NCOA6: variants seen among roughly 807,000 people sequenced by gnomAD.
The protein encoded by NCOA6 is nuclear receptor coactivator 6.
In NCOA6, 49 loss-of-function variants were observed where a neutral mutation model predicts 171.4. That is an observed-to-expected ratio of 0.29 (90% confidence interval 0.23 to 0.36). NCOA6 has a LOEUF of 0.36. Ranked by LOEUF, NCOA6 falls within the 10% of genes least tolerant of loss-of-function variation. NCOA6 has a pLI of 1.00. For synonymous variants in NCOA6, 910 were observed against 927.5 expected, an observed-to-expected ratio of 0.98 and a Z score of 0.34; for missense variants, 2,248 against 2,554.5, an observed-to-expected ratio of 0.88 and a Z score of 2.59.
rs779896604 is a variant in NCOA6 at position 34,746,930 on chromosome 20, T to TTA, written c.2793-3_2793-2insTA. The TTA allele has an allele frequency of 8.8e-6, 10 of 1,138,816 alleles. No individual in the cohort carries two copies. Among genetic ancestry groups the TTA allele is most frequent in the South Asian group, 5.4e-5 (2 of 37,044 alleles). The allele number at this position is 1,138,816 out of a possible 1,614,324, so 70.5% of individuals were successfully genotyped here. A position where few individuals can be genotyped will look rare whatever the true frequency, so the allele number is the denominator to read the frequency against. ...CCAGCTGGGCGAGTATCTGGGGTGC[T>TTA]AAAAAAAAAAAAAAAAAAAAAAGTG... On this transcript the variant is annotated splice_polypyrimidine_tract_variant and splice_region_variant and intron_variant, in intron 9 of 14. Coordinates refer to ENST00000359003, the MANE Select transcript of NCOA6 (RefSeq NM_014071.5).
intron 9 of NCOA6, among the ~76,000 whole-genome samples, chr20:34,748,427 A>G (rs1339531353): frequency 2.0e-5 from 3 of 152,208 alleles, no homozygotes; most frequent in Non-Finnish European, 4.4e-5. Flanking sequence ...TAGTTGGTTT[A>G]ATTTTGAATA....
intron 1 of NCOA6, among the ~76,000 whole-genome samples, chr20:34,794,082 G>A (rs985398805): frequency 1.3e-5 from 2 of 152,118 alleles, no homozygotes; most frequent in African/African-American, 4.8e-5. Flanking sequence ...CATTGCTGGC[G>A]GTAGTGCAAA....
At chr20:34,817,664 A>T (rs550658139) in intron 1 of NCOA6, among the ~76,000 whole-genome samples, 35 of 152,340 alleles carry the variant, frequency 2.3e-4, no homozygotes, top group Admixed American at 1.6e-3. Context: ...TTAAAAAAAT[A>T]AATGAATATA....
Position 34,720,435 on chromosome 20 carries a change from G to T in NCOA6, c.6149-5070C>A, listed in dbSNP as rs1032678269. Among the ~76,000 whole-genome samples the T allele has an allele frequency of 3.9e-5, 6 of 152,210 alleles. No individual in the cohort carries two copies. In the East Asian group the frequency reaches 1.2e-3, roughly 29 times the overall value. ...TGCCCAGAAATCATCCATCCCACCT[G>T]CTCTGATCTGGCAGTCTGGCAGGCC... On this transcript the variant is annotated intron_variant, in intron 14 of 14. Transcript: ENST00000359003.
intron 11 of NCOA6, among the ~76,000 whole-genome samples, chr20:34,739,182 T>C (rs1438168098): frequency 6.6e-6 from 1 of 152,210 alleles, no homozygotes; most frequent in African/African-American, 2.4e-5. Context: ...ACAAATGGAA[T>C]GTACCAATCA....
chr20:34,789,994 G>A (rs573411905), intron 2 of NCOA6, among the ~76,000 whole-genome samples: 5 of 151,560 alleles, frequency 3.3e-5, no homozygotes, highest in African/African-American at 4.8e-5. Flanking sequence ...CAGTACTTTC[G>A]GAGGCCAAGG....
At chr20:34,728,975 G>C (rs566115090) in intron 13 of NCOA6, among the ~76,000 whole-genome samples, 1 of 152,092 alleles carries the variant, frequency 6.6e-6, no homozygotes. Flanking sequence ...TTTTGAGATG[G>C]AGTCTTGCTC....
chr20:34,722,359 C>T (rs775226358), intron 14 of NCOA6, among the ~76,000 whole-genome samples: 2 of 150,700 alleles, frequency 1.3e-5, no homozygotes, highest in Admixed American at 6.6e-5. Context: ...CCAGCCTGGG[C>T]GATGGAGTGA....
chr20:34,740,683 T>C lies in NCOA6; in HGVS notation c.5573A>G (p.Asp1858Gly), dbSNP rs755129694. 2 of 1,614,230 alleles carry C rather than the reference T, an allele frequency of 1.2e-6. No homozygotes were observed. Among genetic ancestry groups the C allele is most frequent in the South Asian group, 1.1e-5 (1 of 91,086 alleles). Reference sequence around the variant, plus strand: ...TCCCATGAGCCCCGGAGCTGTGGTGTCTAGCCCTTGGCCTTCAGTCTCTCC... The same window carrying C: ...TCCCATGAGCCCCGGAGCTGTGGTGCCTAGCCCTTGGCCTTCAGTCTCTCC... ...ADGETEGQGLDTTAPGLMGTE... is the reference protein window; with the variant it reads ...ADGETEGQGLGTTAPGLMGTE... The change falls in exon 11 of 15, where the codon GAC (aspartate) becomes GGC (glycine). Residue 1858 changes from aspartate (D) to glycine (G), a missense_variant. This residue lies in a region of NCOA6 where 884 missense variants were observed against 941.9 expected (regional missense o/e 0.94). Transcript: ENST00000359003.
At position 34,750,426 on chromosome 20, in the gene NCOA6, T is replaced by G; in HGVS notation, c.1769A>C (p.Asn590Thr). 2 of 1,614,158 alleles carry G rather than the reference T, an allele frequency of 1.2e-6. No homozygotes were observed. Among genetic ancestry groups the G allele is most frequent in the South Asian group, 2.2e-5 (2 of 91,084 alleles). Residue 590 changes from asparagine to threonine, a missense_variant, in exon 9 of 15, where the codon AAC (asparagine) becomes ACC (threonine). Around this residue, in one of 7 missense-constraint regions of NCOA6, gnomAD observed 987 missense variants for 1,104.7 expected, o/e 0.89. Coordinates refer to ENST00000359003, the MANE Select transcript of NCOA6 (RefSeq NM_014071.5). Reference sequence around the variant, plus strand: ...AGTACCAGCCTGCTGATTGTTCATGTTGCCATGAATTCCCATGAGGCTGGG... The same window carrying G: ...AGTACCAGCCTGCTGATTGTTCATGGTGCCATGAATTCCCATGAGGCTGGG... Reference protein sequence around the residue: ...MQPSLMGIHGNMNNQQAGTSG... With the variant: ...MQPSLMGIHGTMNNQQAGTSG...
chr20:34,729,542 CAAAA>C (rs1990361780), intron 13 of NCOA6, among the ~76,000 whole-genome samples: 2 of 135,852 alleles, frequency 1.5e-5, no homozygotes, highest in Non-Finnish European at 3.0e-5. Flanking sequence ...TGCAACAAAA[CAAAA>C]CAAAACAAAA....
intron 10 of NCOA6, among the ~76,000 whole-genome samples, chr20:34,744,252 T>C (rs951985457): frequency 1.3e-5 from 2 of 152,230 alleles, no homozygotes; most frequent in African/African-American, 4.8e-5. Flanking sequence ...GGACAATGTC[T>C]TCTAGATATG....
intron 14 of NCOA6, among the ~76,000 whole-genome samples, chr20:34,722,520 A>C (rs192684929): frequency 2.9e-4 from 44 of 152,038 alleles, no homozygotes; most frequent in African/African-American, 9.9e-4. Context: ...CTCTACAAAA[A>C]AATTAAAAAA....
At position 34,727,404 on chromosome 20, in the gene NCOA6, A is replaced by G. The variant is rs139400415; in HGVS notation, c.6003T>C (p.Ser2001=). 16 of 1,613,014 alleles carry G rather than the reference A, an allele frequency of 9.9e-6. No homozygotes were observed. In the African/African-American group the frequency reaches 1.7e-4, roughly 17 times the overall value. ...VNAAIVSGQS[S]EPKEIVEKSK... ...ACTTTTCAACTATCTCTTTGGGCTC[A>G]CTGCTGACAGAGGGAAGCAAAAAGT... Residue 2001 remains serine, a synonymous_variant, in exon 14 of 15, where the codon AGT becomes AGC. Transcript: ENST00000359003.
chr20:34,736,194 T>C (rs1208694891), intron 12 of NCOA6, among the ~76,000 whole-genome samples: 1 of 152,138 alleles, frequency 6.6e-6, no homozygotes, highest in East Asian at 1.9e-4. Flanking sequence ...GGGAGAAACT[T>C]AATGCCACCC....
intron 7 of NCOA6, 141 bp from the exon 8 acceptor site, chr20:34,755,009 T>C: frequency 2.5e-6 from 2 of 786,744 alleles, no homozygotes; most frequent in Non-Finnish European, 3.9e-6. Flanking sequence ...TCTTTAATAA[T>C]AAGGTTGGGA....
At chr20:34,765,160 A>G (rs2076939740) in intron 5 of NCOA6, among the ~76,000 whole-genome samples, 1 of 150,180 alleles carries the variant, frequency 6.7e-6, no homozygotes, top group Admixed American at 6.7e-5. Flanking sequence ...TGAGATAAGA[A>G]ACAGGTTTTT....
intron 1 of NCOA6, among the ~76,000 whole-genome samples, chr20:34,813,935 G>GAT (rs1236600762): frequency 6.6e-5 from 10 of 152,090 alleles, no homozygotes; most frequent in Non-Finnish European, 1.2e-4. Flanking sequence ...GCTAAAAAGT[G>GAT]ATAGCCTCAG....
intron 13 of NCOA6, among the ~76,000 whole-genome samples, chr20:34,730,232 CTAATTTTTTAT>C (rs373391929): frequency 0.011 from 1,731 of 151,818 alleles, 20 homozygotes; most frequent in Non-Finnish European, 0.019. Context: ...CCATGACCAG[CTAATTTTTTAT>C]TAATTTTTTA....
Sources: gnomAD v4.1 joint callset for allele counts (sites outside exome capture counted in the v4.1 genomes callset) on GRCh38, gnomAD v4.1.1 for gene constraint, gnomAD v4.1.1 regional missense constraint, MANE v1.5 for transcripts, NCBI Gene and HGNC (gene_info 2026-07-23, HGNC 2026-07-21) for gene names.